Variants in RAB1B observed in about 807,000 individuals in gnomAD.
The protein encoded by RAB1B is RAB1B, member RAS oncogene family.
Under a neutral mutation model 24.8 loss-of-function variants are expected in RAB1B, and 10 were observed. That is an observed-to-expected ratio of 0.40 (90% CI 0.25 to 0.68). The LOEUF (loss-of-function observed/expected upper bound fraction) is 0.68. RAB1B is among the 30% of genes least tolerant of loss of function. The probability of loss-of-function intolerance (pLI) is 0.37; values close to 1 mark genes in which losing one functional copy is unlikely to be tolerated. For synonymous variants in RAB1B, 99 were observed against 111.7 expected (o/e 0.89, Z 0.72); for missense variants, 154 against 271.2 (o/e 0.57, Z 3.04).
At chr11:66,268,848 C>T (rs893866598) in intron 1 of RAB1B, among the ~76,000 whole-genome samples, 155 bp downstream of exon 1, 2 of 125,824 alleles carry the variant, frequency 1.6e-5, no homozygotes, top group African/African-American at 2.9e-5. Context: ...GGGTTCTGCC[C>T]CTCCCCCCAG....
Position 66,272,225 on chromosome 11 carries a change from G to A in RAB1B, c.156G>A (p.Leu52=). ...ACTTCAAGATCCGAACCATCGAGCT[G>A]GATGGCAAAACTATCAAACTTCAGA... The part of the protein sequence containing the change: ...GVDFKIRTIE[L]DGKTIKLQIW... The change falls in exon 3 of 6, where the codon CTG becomes CTA. Residue 52 remains leucine (L), a synonymous_variant. Transcript: ENST00000311481. The A allele has an allele frequency of 6.2e-7, 1 of 1,613,826 alleles. No homozygotes were observed. The highest frequency in any genetic ancestry group is 8.5e-7 in the Non-Finnish European group (1 of 1,179,714).
At chr11:66,268,870 C>T (rs966646121) in intron 1 of RAB1B, among the ~76,000 whole-genome samples, 177 bp downstream of exon 1, 3 of 135,414 alleles carry the variant, frequency 2.2e-5, no homozygotes, top group South Asian at 2.8e-4. Flanking sequence ...GGCCCCAGGA[C>T]CCCGGCTCAA....
At chr11:66,272,719 C>T (rs1277363376) in intron 4 of RAB1B, 1 of 309,466 alleles carries the variant, frequency 3.2e-6, no homozygotes, top group South Asian at 6.2e-5. Flanking sequence ...CACACCTTCC[C>T]TCCCCACCAA....
chr11:66,268,711 G>A lies in RAB1B; in HGVS notation c.14+18G>A. On this transcript the variant is annotated intron_variant, in intron 1 of 5. Transcript: ENST00000311481. ...CCCGAATAGTGAGTGAGCCCCGCCC[G>A]CGCCGTCCAGCGCAGCCTCGATCCC... The A allele has an allele frequency of 1.3e-6, 2 of 1,559,786 alleles. No individual in the cohort carries two copies. Among genetic ancestry groups the A allele is most frequent in the East Asian group, 2.4e-5 (1 of 41,652 alleles).
chr11:66,274,546 GTC>G (rs1021091122), intron 4 of RAB1B, among the ~76,000 whole-genome samples: 3 of 152,104 alleles, frequency 2.0e-5, no homozygotes, highest in Non-Finnish European at 2.9e-5. Context: ...TTCCCAGTTG[GTC>G]TCTATCTTGC....
At chr11:66,272,284 C>G (rs936595624) in intron 3 of RAB1B, 32 bp downstream of exon 3, 2 of 1,599,974 alleles carry the variant, frequency 1.3e-6, no homozygotes, top group Admixed American at 3.3e-5. Context: ...ATCCCCAGTA[C>G]AGAGGTATCC....
In RAB1B at chr11:66,272,464, C is replaced by T; in HGVS notation, c.279+4C>T. 1 of 1,564,378 alleles carries T rather than the reference C, an allele frequency of 6.4e-7. No homozygotes were observed. Among genetic ancestry groups the T allele is most frequent in the Non-Finnish European group, 8.7e-7 (1 of 1,151,074 alleles). On this transcript the variant is annotated splice_donor_region_variant and intron_variant, in intron 4 of 5. Coordinates refer to ENST00000311481, the MANE Select transcript of RAB1B (RefSeq NM_030981.3). ...GGTGTATGACGTCACTGACCAGGTA[C>T]TCCTGGACTAGCCATCCTCAGCTTG...
Position 66,276,407 on chromosome 11 carries a change from G to A in RAB1B, c.*169G>A, listed in dbSNP as rs1448097132. ...CCATCTGCCTGCTGCCCTGAGCCCC[G>A]GTTCTGTCAGGGTCCCTAAGGGAGG... On this transcript the variant is annotated 3_prime_UTR_variant, in exon 6 of 6. Coordinates refer to ENST00000311481, the MANE Select transcript of RAB1B (RefSeq NM_030981.3). The A allele has an allele frequency of 9.0e-6, 6 of 666,516 alleles. 1 individual carries two copies. The highest frequency in any genetic ancestry group is 3.7e-5 in the African/African-American group (2 of 54,030). 41.3% of individuals were successfully genotyped at this position (666,516 alleles called of 1,614,324 possible). A position where few individuals can be genotyped will look rare whatever the true frequency, so the allele number is the denominator to read the frequency against.
In RAB1B at chr11:66,268,663, G is replaced by A. The variant is rs536470200; in HGVS notation, c.-17G>A. 1.8e-5 allele frequency: 28 copies of A among 1,563,030 alleles called. No individual in the cohort carries two copies. The highest frequency in any genetic ancestry group is 2.3e-5 in the Non-Finnish European group (27 of 1,156,446). On this transcript the variant is annotated 5_prime_UTR_variant, in exon 1 of 6. Transcript: ENST00000311481. The stretch of plus-strand genomic sequence containing the variant: ...CAGAGTCGACTGGGAGCGACCGAGC[G>A]GGCCGCCGCCGCCGCCATGAACCCC...
chr11:66,272,548 G>A, intron 4 of RAB1B, 88 bp downstream of exon 4: 1 of 871,454 alleles, frequency 1.1e-6, no homozygotes, highest in South Asian at 1.8e-5. Flanking sequence ...TCTCTTTCCT[G>A]ATGCTTCCTG....
At chr11:66,270,923 C>T (rs898495949) in intron 1 of RAB1B, 1 of 152,258 alleles carries the variant, frequency 6.6e-6, no homozygotes, top group Admixed American at 6.5e-5. Context: ...GTCTTGATTT[C>T]TTTCTCCATA....
chr11:66,272,437 G>C lies in RAB1B; in HGVS notation c.256G>C (p.Val86Leu), dbSNP rs763184656. The C allele has an allele frequency of 1.2e-6, 2 of 1,601,388 alleles. No homozygotes were observed. Among genetic ancestry groups the C allele is most frequent in the East Asian group, 2.2e-5 (1 of 44,722 alleles). Residue 86 changes from valine (V) to leucine (L), a missense_variant, in exon 4 of 6, where the codon GTG (valine) becomes CTG (leucine). By Grantham distance (32) the Val-to-Leu change is conservative. This residue lies in a region of RAB1B where 77 missense variants were observed against 173.4 expected (regional missense o/e 0.44). Transcript: ENST00000311481. The part of the protein sequence containing the change: ...SYYRGAHGII[V>L]VYDVTDQESY... The stretch of plus-strand genomic sequence containing the variant: ...CTACCGGGGGGCTCATGGCATCATC[G>C]TGGTGTATGACGTCACTGACCAGGT...
intron 4 of RAB1B, 34 bp downstream of exon 4, chr11:66,272,494 C>A (rs528828712): frequency 7.1e-7 from 1 of 1,411,820 alleles, no homozygotes; most frequent in South Asian, 1.3e-5. Flanking sequence ...AGCTTGGCCT[C>A]CTTAGCCTTA....
chr11:66,274,598 A>C (rs1475038549), intron 4 of RAB1B, among the ~76,000 whole-genome samples: 3 of 152,050 alleles, frequency 2.0e-5, no homozygotes, highest in African/African-American at 7.3e-5. Context: ...GGACTAGCAT[A>C]GGTGTGATCC....
chr11:66,275,812 C>T lies in RAB1B; in HGVS notation c.288C>T (p.Tyr96=), dbSNP rs149085050. ...VVYDVTDQES[Y]ANVKQWLQEI... is the part of the protein sequence containing the mutation. ...CCCCTGGCCCCCTTTAGGAATCCTA[C>T]GCCAACGTGAAGCAGTGGCTGCAGG... Residue 96 remains tyrosine, a synonymous_variant, in exon 5 of 6, where the codon TAC becomes TAT. Transcript: ENST00000311481. 1.3e-4 allele frequency: 199 copies of T among 1,580,504 alleles called. No individual in the cohort carries two copies. Among genetic ancestry groups the T allele is most frequent in the Admixed American group, 3.8e-4 (20 of 53,218 alleles).
rs1857166967 is a variant in RAB1B at position 66,277,241 on chromosome 11, G to GC, written c.*1004dup. On this transcript the variant is annotated 3_prime_UTR_variant, in exon 6 of 6. Coordinates refer to ENST00000311481, the MANE Select transcript of RAB1B (RefSeq NM_030981.3). The stretch of plus-strand genomic sequence containing the variant: ...TGGCACAGCTGCTTCCTGCAAGAAA[G>GC]CAAGTCTTTGGTCTCCCTGAGAAGC... The GC allele has an allele frequency of 6.5e-6, 1 of 152,856 alleles. No homozygotes were observed. Among genetic ancestry groups the GC allele is most frequent in the African/African-American group, 2.4e-5 (1 of 41,458 alleles). 9.5% of individuals were successfully genotyped at this position (152,856 alleles called of 1,614,324 possible).
intron 4 of RAB1B, among the ~76,000 whole-genome samples, chr11:66,273,166 C>T (rs1857088538): frequency 6.6e-6 from 1 of 152,198 alleles, no homozygotes; most frequent in African/African-American, 2.4e-5. Flanking sequence ...ATGGCTCATT[C>T]CACCTGCTTT....
chr11:66,274,494 C>T (rs1165369975), intron 4 of RAB1B, among the ~76,000 whole-genome samples: 1 of 152,158 alleles, frequency 6.6e-6, no homozygotes, highest in Non-Finnish European at 1.5e-5. Flanking sequence ...TGTGTGCTTC[C>T]CTGGCTCAGT....
Position 66,271,857 on chromosome 11 carries a change from C to T in RAB1B, c.75C>T (p.Leu25=), listed in dbSNP as rs767928883. Residue 25 remains leucine (L), a synonymous_variant, in exon 2 of 6, where the codon CTC becomes CTT. Transcript: ENST00000311481. The part of the protein sequence containing the change: ...GDSGVGKSCL[L]LRFADDTYTE... ...CAGGCGTGGGCAAGTCATGCCTGCT[C>T]CTGCGGTTTGCTGTGAGTAAGAAGC... 4.3e-6 allele frequency: 7 copies of T among 1,613,962 alleles called. No individual in the cohort carries two copies. The highest frequency in any genetic ancestry group is 1.3e-5 in the African/African-American group (1 of 75,020).
Sources: gnomAD v4.1 joint callset for allele counts (sites outside exome capture counted in the v4.1 genomes callset) on GRCh38, gnomAD v4.1.1 for gene constraint, gnomAD v4.1.1 regional missense constraint, MANE v1.5 for transcripts, NCBI Gene and HGNC (gene_info 2026-07-23, HGNC 2026-07-21) for gene names.